Variants in AUTS2 observed in about 807,000 individuals in gnomAD.
The protein encoded by AUTS2 is activator of transcription and developmental regulator AUTS2.
Under a neutral mutation model 112.4 loss-of-function variants are expected in AUTS2, and 17 were observed. The observed-to-expected ratio is 0.15, with a 90% confidence interval of 0.10 to 0.23. The LOEUF is 0.23. AUTS2 is among the 10% of genes least tolerant of loss of function. AUTS2 has a pLI of 1.00. For synonymous variants in AUTS2, 751 were observed against 702.7 expected (o/e 1.07, Z -1.09); for missense variants, 1,510 against 1,701.6 (o/e 0.89, Z 1.98).
chr7:70,028,239 C>T (rs1310239618), intron 2 of AUTS2, among the ~76,000 whole-genome samples: 5 of 152,116 alleles, frequency 3.3e-5, no homozygotes, highest in African/African-American at 1.2e-4. Flanking sequence ...AAGTTTAGTT[C>T]ACGCATTACT....
intron 2 of AUTS2, among the ~76,000 whole-genome samples, chr7:70,017,744 T>C (rs2129554914): frequency 6.6e-6 from 1 of 152,146 alleles, no homozygotes; most frequent in East Asian, 1.9e-4. Context: ...AAGTAGTTGT[T>C]AGAATTAAAA....
At chr7:70,003,289 T>A (rs1327115379) in intron 2 of AUTS2, among the ~76,000 whole-genome samples, 2 of 132,298 alleles carry the variant, frequency 1.5e-5, no homozygotes, top group Non-Finnish European at 3.1e-5. Flanking sequence ...ATATATATAT[T>A]ATATATGAAT....
Position 70,028,976 on chromosome 7 carries a change from C to T in AUTS2, c.523-89156C>T, listed in dbSNP as rs184243803. On this transcript the variant is annotated intron_variant, in intron 2 of 18. Coordinates refer to ENST00000342771, the MANE Select transcript of AUTS2 (RefSeq NM_015570.4). ...AGCTACATAGGACTACTGAGTAATA[C>T]TCCTCAAAGGCTCCCTCTCTTGGGT... Among the ~76,000 whole-genome samples, 298 of 152,252 alleles carry T rather than the reference C, an allele frequency of 2.0e-3. 8 individuals are homozygous for T. The highest frequency in any genetic ancestry group is 6.9e-4 in the Non-Finnish European group (47 of 68,026).
chr7:69,856,757 A>G (rs1224781811), intron 1 of AUTS2, among the ~76,000 whole-genome samples: 1 of 152,202 alleles, frequency 6.6e-6, no homozygotes, highest in African/African-American at 2.4e-5. Context: ...TATTAGCTAA[A>G]TATCATCTTT....
At chr7:69,634,267 C>T (rs1794415149) in intron 1 of AUTS2, among the ~76,000 whole-genome samples, 1 of 151,708 alleles carries the variant, frequency 6.6e-6, no homozygotes, top group South Asian at 2.1e-4. Flanking sequence ...CTACAGGCGC[C>T]CGCCATCACG....
chr7:69,687,511 C>G (rs1381652625), intron 1 of AUTS2, among the ~76,000 whole-genome samples: 1 of 152,168 alleles, frequency 6.6e-6, no homozygotes, highest in African/African-American at 2.4e-5. Context: ...TCTAAGGTAA[C>G]TAGCTTATTA....
chr7:70,241,854 A>ACTTTGAGACTT, intron 4 of AUTS2, among the ~76,000 whole-genome samples: 1 of 152,354 alleles, frequency 6.6e-6, no homozygotes, highest in East Asian at 1.9e-4. Context: ...ACACACCTGC[A>ACTTTGAGACTT]TTAAACCAGT....
Position 70,590,203 on chromosome 7 carries a change from A to G in AUTS2, c.691-108366A>G, listed in dbSNP as rs747496719. Among the ~76,000 whole-genome samples the G allele has an allele frequency of 3.2e-4, 49 of 152,216 alleles. No homozygotes were observed. The Middle Eastern group carries it at 0.02, about 63-fold the overall frequency. On this transcript the variant is annotated intron_variant, in intron 5 of 18. Coordinates refer to ENST00000342771, the MANE Select transcript of AUTS2 (RefSeq NM_015570.4). ...ATAAAATAAGGGGGCACTGGCCCCC[A>G]GAGAAGTACTGACAACAACCTCTGG...
At chr7:69,874,499 G>C (rs1194371121) in intron 1 of AUTS2, among the ~76,000 whole-genome samples, 1 of 152,176 alleles carries the variant, frequency 6.6e-6, no homozygotes, top group African/African-American at 2.4e-5. Flanking sequence ...AGGCTGAAAG[G>C]CTGGAGACAT....
chr7:70,265,292 C>T (rs758173369), intron 4 of AUTS2, among the ~76,000 whole-genome samples: 4 of 151,988 alleles, frequency 2.6e-5, no homozygotes, highest in African/African-American at 4.8e-5. Flanking sequence ...TGAGGCTGTC[C>T]CCGTTGTAAA....
intron 5 of AUTS2, among the ~76,000 whole-genome samples, chr7:70,483,042 G>T (rs1281389986): frequency 2.0e-5 from 3 of 152,062 alleles, no homozygotes; most frequent in Non-Finnish European, 4.4e-5. Context: ...CTTTGTGTGG[G>T]GGGTTGGAGA....
At chr7:69,989,536 G>GAGA (rs35029731) in intron 2 of AUTS2, among the ~76,000 whole-genome samples, 54,483 of 151,672 alleles carry the variant, frequency 0.36, 10,300 homozygotes, top group African/African-American at 0.48. Flanking sequence ...GGGAAGGAGA[G>GAGA]AGGAGGAATG....
chr7:70,579,889 C>G (rs1393415391), intron 5 of AUTS2, among the ~76,000 whole-genome samples: 1 of 152,212 alleles, frequency 6.6e-6, no homozygotes, highest in South Asian at 2.1e-4. Context: ...TTTCCTTCCA[C>G]TTCAAACATG....
rs988438097 is a variant in AUTS2, at chr7:70,766,446, C to T, written c.1689+112C>T. ...CCACCAGAGATCGAATGGGGACTGA[C>T]GGCTGTTGGCTGGAGAGAAGGGAAT... On this transcript the variant is annotated intron_variant, in intron 9 of 18. Transcript: ENST00000342771. This position sits in a 1 kb window ranked among gnomAD's most constrained non-coding sequence, Gnocchi z 4.8. The T allele has an allele frequency of 8.9e-6, 12 of 1,344,698 alleles. No individual in the cohort carries two copies. Among genetic ancestry groups the T allele is most frequent in the Admixed American group, 7.2e-5 (4 of 55,356 alleles). The allele number at this position is 1,344,698 out of a possible 1,614,324, so 83.3% of individuals were successfully genotyped here.
chr7:70,088,605 G>GTTTTGT (rs150675458), intron 2 of AUTS2, among the ~76,000 whole-genome samples: 1 of 146,094 alleles, frequency 6.8e-6, no homozygotes, highest in Non-Finnish European at 1.5e-5. Flanking sequence ...TTGTTTGTTT[G>GTTTTGT]TTTGTTTTGT....
intron 6 of AUTS2, among the ~76,000 whole-genome samples, chr7:70,750,390 T>G (rs1279464034): frequency 6.6e-6 from 1 of 150,744 alleles, no homozygotes; most frequent in Non-Finnish European, 1.5e-5. Flanking sequence ...GTGGCATTGA[T>G]TACAGCTCAC....
chr7:69,838,172 T>C (rs969922324), intron 1 of AUTS2, among the ~76,000 whole-genome samples: 13 of 152,220 alleles, frequency 8.5e-5, no homozygotes, highest in African/African-American at 2.9e-4. Context: ...TGGCATTTTG[T>C]GCATTTGGCA....
intron 1 of AUTS2, among the ~76,000 whole-genome samples, chr7:69,823,917 C>T (rs1465034333): frequency 6.6e-6 from 1 of 152,014 alleles, no homozygotes; most frequent in Non-Finnish European, 1.5e-5. Flanking sequence ...TTCTGTATTC[C>T]GAAGAGACAG....
At chr7:70,575,677 G>A (rs1802134183) in intron 5 of AUTS2, among the ~76,000 whole-genome samples, 1 of 152,194 alleles carries the variant, frequency 6.6e-6, no homozygotes, top group Admixed American at 6.5e-5. Flanking sequence ...GCCTGGCAAA[G>A]CTATTAAGTC....
Sources: gnomAD v4.1 joint callset for allele counts (sites outside exome capture counted in the v4.1 genomes callset) on GRCh38, gnomAD v4.1.1 for gene constraint, Gnocchi (gnomAD v3.1) non-coding constraint, MANE v1.5 for transcripts, NCBI Gene and HGNC (gene_info 2026-07-23, HGNC 2026-07-21) for gene names.